Variants in ST8SIA4 observed in about 807,000 individuals in gnomAD.
The protein encoded by ST8SIA4 is CMP-N-acetylneuraminate-poly-alpha-2,8-sialyltransferase.
Under a neutral mutation model 33.9 loss-of-function variants are expected in ST8SIA4, and 15 were observed. That is an observed-to-expected ratio of 0.44 (90% CI 0.30 to 0.68). The LOEUF (loss-of-function observed/expected upper bound fraction) is 0.68, where lower values mean the gene tolerates loss of function less well. Ranked by LOEUF, ST8SIA4 falls within the 30% of genes least tolerant of loss-of-function variation. ST8SIA4 has a pLI of 0.10. For synonymous variants in ST8SIA4, 171 were observed against 151.2 expected (o/e 1.13, Z -0.96); for missense variants, 321 against 428.0 (o/e 0.75, Z 2.21).
chr5:100,818,318 A>C (rs1225858192), intron 4 of ST8SIA4, among the ~76,000 whole-genome samples: 1 of 152,214 alleles, frequency 6.6e-6, no homozygotes, highest in East Asian at 1.9e-4. Flanking sequence ...GGTGATTAAC[A>C]GGCCAGTATC....
chr5:100,817,468 A>C (rs1373564640), intron 4 of ST8SIA4, among the ~76,000 whole-genome samples: 1 of 152,176 alleles, frequency 6.6e-6, no homozygotes, highest in Non-Finnish European at 1.5e-5. Flanking sequence ...CATTCTTATG[A>C]GGAGTATATG....
intron 4 of ST8SIA4, 115 bp from the exon 5 acceptor site, chr5:100,812,244 T>A: frequency 2.6e-6 from 2 of 776,568 alleles, no homozygotes; most frequent in Non-Finnish European, 3.8e-6. Context: ...AATAATATTT[T>A]AAAGAATTAC....
At chr5:100,880,930 T>C (rs765470135) in intron 3 of ST8SIA4, among the ~76,000 whole-genome samples, 2 of 152,220 alleles carry the variant, frequency 1.3e-5, no homozygotes, top group Non-Finnish European at 2.9e-5. Flanking sequence ...CTCTAAGACA[T>C]AGTTATCTGA....
intron 1 of ST8SIA4, among the ~76,000 whole-genome samples, chr5:100,901,270 G>A (rs1403018188): frequency 6.6e-6 from 1 of 152,156 alleles, no homozygotes; most frequent in African/African-American, 2.4e-5. Context: ...TGCTCTCCAG[G>A]GTCCCAGCCA....
chr5:100,831,609 T>G (rs1751263404), intron 4 of ST8SIA4, among the ~76,000 whole-genome samples: 1 of 152,188 alleles, frequency 6.6e-6, no homozygotes, highest in South Asian at 2.1e-4. Context: ...TTTTCCTTCA[T>G]GCAGAGACAC....
chr5:100,825,109 T>C (rs1360945347), intron 4 of ST8SIA4, among the ~76,000 whole-genome samples: 1 of 152,122 alleles, frequency 6.6e-6, no homozygotes, highest in Non-Finnish European at 1.5e-5. Flanking sequence ...GAACCAATGA[T>C]TATTCACTGT....
chr5:100,887,554 T>A (rs1433607690), intron 2 of ST8SIA4, among the ~76,000 whole-genome samples: 2 of 152,068 alleles, frequency 1.3e-5, no homozygotes, highest in Admixed American at 1.3e-4. Context: ...TGATAACAGA[T>A]TGAGAGGCTA....
intron 3 of ST8SIA4, among the ~76,000 whole-genome samples, chr5:100,875,477 C>A (rs1752285660): frequency 6.6e-6 from 1 of 152,150 alleles, no homozygotes. Flanking sequence ...ACCTTAATTT[C>A]TCTTTCAAAC....
At chr5:100,875,984 C>T (rs1365562070) in intron 3 of ST8SIA4, among the ~76,000 whole-genome samples, 1 of 151,998 alleles carries the variant, frequency 6.6e-6, no homozygotes, top group Non-Finnish European at 1.5e-5. Context: ...CTTCTGCACA[C>T]AATATTACTA....
chr5:100,874,530 C>T (rs1752264770), intron 3 of ST8SIA4, among the ~76,000 whole-genome samples: 2 of 151,964 alleles, frequency 1.3e-5, no homozygotes, highest in African/African-American at 4.8e-5. Context: ...TCTCCCTCTC[C>T]TTTTCCCCTC....
At chr5:100,826,573 A>G (rs1412143877) in intron 4 of ST8SIA4, among the ~76,000 whole-genome samples, 1 of 152,184 alleles carries the variant, frequency 6.6e-6, no homozygotes, top group Non-Finnish European at 1.5e-5. Context: ...TATGGCTTTC[A>G]GGTATTTGGG....
At chr5:100,823,442 T>C (rs1465924808) in intron 4 of ST8SIA4, among the ~76,000 whole-genome samples, 1 of 152,258 alleles carries the variant, frequency 6.6e-6, no homozygotes, top group Non-Finnish European at 1.5e-5. Flanking sequence ...TCTTTCCCTT[T>C]ACGGACTTGC....
chr5:100,883,894 T>C (rs1336882363), intron 3 of ST8SIA4, among the ~76,000 whole-genome samples: 2 of 152,214 alleles, frequency 1.3e-5, no homozygotes, highest in African/African-American at 4.8e-5. Flanking sequence ...AGGTACGCCC[T>C]TATCAGCAGC....
At position 100,810,726 on chromosome 5, in the gene ST8SIA4, A is replaced by C. The variant is rs1750797816; in HGVS notation, c.*1121T>G. On this transcript the variant is annotated 3_prime_UTR_variant, in exon 5 of 5. Transcript: ENST00000231461. ...AAACACAAGTGTAATCTTTGGTACC[A>C]AAGATTTTTTTTTCCCGGCCTATTT... 6.6e-6 allele frequency: 1 copy of C among 152,596 alleles called. No homozygotes were observed. The allele number at this position is 152,596 out of a possible 1,614,324, so 9.5% of individuals were successfully genotyped here.
chr5:100,879,675 T>C (rs1036637935), intron 3 of ST8SIA4, among the ~76,000 whole-genome samples: 5 of 152,136 alleles, frequency 3.3e-5, no homozygotes, highest in East Asian at 1.9e-4. Flanking sequence ...TTCTATAAAT[T>C]TGGAATTATA....
chr5:100,893,479 C>A (rs887371873), intron 2 of ST8SIA4, among the ~76,000 whole-genome samples: 1 of 152,078 alleles, frequency 6.6e-6, no homozygotes, highest in African/African-American at 2.4e-5. Flanking sequence ...TTCATTCATA[C>A]TATCAGCTAT....
intron 1 of ST8SIA4, chr5:100,900,351 C>G: frequency 2.2e-6 from 1 of 452,896 alleles, no homozygotes; most frequent in Non-Finnish European, 4.5e-6. Flanking sequence ...GGAGCCGAAC[C>G]TCCATTCCAG....
In ST8SIA4 at chr5:100,811,996, C is replaced by G; in HGVS notation, c.931G>C (p.Ala311Pro). 6.2e-7 allele frequency: 1 copy of G among 1,614,114 alleles called. No individual in the cohort carries two copies. Among genetic ancestry groups the G allele is most frequent in the Non-Finnish European group, 8.5e-7 (1 of 1,180,010 alleles). Reference sequence around the variant, plus strand: ...TCATCATAATAATGATATTTGACCGCTTTTCCATTTAAATCCTTAGGGAAG... The same window carrying G: ...TCATCATAATAATGATATTTGACCGGTTTTCCATTTAAATCCTTAGGGAAG... ...WPFPKDLNGK[A>P]VKYHYYDDLK... Residue 311 changes from alanine to proline, a missense_variant, in exon 5 of 5, where the codon GCG (alanine) becomes CCG (proline). Physicochemically the swap from Ala to Pro is conservative, Grantham distance 27 (BLOSUM62 -1). Transcript: ENST00000231461.
intron 4 of ST8SIA4, 90 bp from the exon 5 acceptor site, chr5:100,812,219 A>G (rs1353451688): frequency 9.4e-7 from 1 of 1,064,664 alleles, no homozygotes; most frequent in East Asian, 2.6e-5. Context: ...AGAAAACTTA[A>G]AAGGTATCTT....
Sources: gnomAD v4.1 joint callset for allele counts (sites outside exome capture counted in the v4.1 genomes callset) on GRCh38, gnomAD v4.1.1 for gene constraint, MANE v1.5 for transcripts, NCBI Gene and HGNC (gene_info 2026-07-23, HGNC 2026-07-21) for gene names.